AGBL1: variants seen among roughly 807,000 people sequenced by gnomAD.
AGBL1 encodes AGBL carboxypeptidase 1.
In AGBL1, 130 loss-of-function variants were observed where a neutral mutation model predicts 118.9. That is an observed-to-expected ratio of 1.09 (90% CI 0.95 to 1.26). The LOEUF (loss-of-function observed/expected upper bound fraction) is 1.26, where lower values mean the gene tolerates loss of function less well. Among genes scored for constraint, AGBL1 ranks in the 50% most tolerant of loss-of-function variants. AGBL1 has a pLI of 0.00. For missense variants in AGBL1, 1,584 were observed against 1,298.1 expected, an observed-to-expected ratio of 1.22 and a Z score of -3.38; for synonymous variants, 555 against 478.9, an observed-to-expected ratio of 1.16 and a Z score of -2.08.
chr15:86,554,269 T>A (rs767421362), intron 20 of AGBL1, 92 bp from the exon 21 acceptor site: 1 of 1,097,276 alleles, frequency 9.1e-7, no homozygotes, highest in Non-Finnish European at 1.3e-6. Flanking sequence ...ATTTTATATA[T>A]AGATGCTTAA....
intron 22 of AGBL1, among the ~76,000 whole-genome samples, chr15:86,757,744 G>T (rs1330709707): frequency 6.6e-6 from 1 of 151,962 alleles, no homozygotes; most frequent in Non-Finnish European, 1.5e-5. Context: ...TCCTCCCGCT[G>T]GTCCTCTTTG....
At chr15:86,193,928 TAGC>T (rs1567117081) in intron 5 of AGBL1, among the ~76,000 whole-genome samples, 1 of 152,206 alleles carries the variant, frequency 6.6e-6, no homozygotes, top group Non-Finnish European at 1.5e-5. Context: ...GAGAGAGGCA[TAGC>T]AGAGTATAAC....
rs148706566 is a variant in AGBL1, at chr15:86,750,032, G to C, written c.3158+75596G>C. On this transcript the variant is annotated intron_variant, in intron 22 of 22. Coordinates refer to ENST00000614907, the MANE Select transcript of AGBL1 (RefSeq NM_001386094.1). ...GGATGATGCTGGCCTCATAAAATGAGTTAGGGAGGATTCCCTCTTTTTCTA... is the reference window on the plus strand; with the variant it reads ...GGATGATGCTGGCCTCATAAAATGACTTAGGGAGGATTCCCTCTTTTTCTA... Among the ~76,000 whole-genome samples, 946 of 152,216 alleles carry C rather than the reference G, an allele frequency of 6.2e-3. 52 individuals carry two copies. In the East Asian group the frequency reaches 0.13, roughly 20 times the overall value.
At chr15:86,263,646 T>C (rs2079028387) in intron 10 of AGBL1, among the ~76,000 whole-genome samples, 1 of 152,242 alleles carries the variant, frequency 6.6e-6, no homozygotes, top group Non-Finnish European at 1.5e-5. Context: ...TCTTTTTTAA[T>C]AGAAACAAAT....
intron 18 of AGBL1, among the ~76,000 whole-genome samples, chr15:86,418,777 A>C (rs1378078431): frequency 6.6e-6 from 1 of 152,094 alleles, no homozygotes; most frequent in African/African-American, 2.4e-5. Context: ...AACTTGCAGC[A>C]CTTAGTCTTA....
At chr15:86,166,960 C>T (rs930820913) in intron 5 of AGBL1, among the ~76,000 whole-genome samples, 2 of 152,152 alleles carry the variant, frequency 1.3e-5, no homozygotes, top group African/African-American at 2.4e-5. Flanking sequence ...TCGTACCTCC[C>T]TATAGATTTC....
At chr15:86,827,898 T>G (rs1461890404) in intron 22 of AGBL1, among the ~76,000 whole-genome samples, 1 of 145,616 alleles carries the variant, frequency 6.9e-6, no homozygotes, top group Non-Finnish European at 1.5e-5. Context: ...TGTGTTATTT[T>G]TACATACAAT....
chr15:86,858,463 GGTGTGTGTGTGTGTGTGTGTGT>G (rs3059715), intron 22 of AGBL1, among the ~76,000 whole-genome samples: 1 of 147,088 alleles, frequency 6.8e-6, no homozygotes, highest in Admixed American at 6.8e-5. Context: ...CCTTTCAGGT[GGTGTGTGTGTGTGTGTGTGTGT>G]GTGTGTGTGT....
chr15:86,378,048 C>A (rs755715886), intron 17 of AGBL1, among the ~76,000 whole-genome samples: 1 of 152,118 alleles, frequency 6.6e-6, no homozygotes, highest in Non-Finnish European at 1.5e-5. Context: ...CAAACCTGGG[C>A]TTCATGCTTC....
At chr15:86,309,201 C>G (rs2079884493) in intron 17 of AGBL1, among the ~76,000 whole-genome samples, 1 of 151,580 alleles carries the variant, frequency 6.6e-6, no homozygotes, top group Non-Finnish European at 1.5e-5. Flanking sequence ...TTTAAATTTC[C>G]TTTCAAATAG....
downstream of AGBL1, among the ~76,000 whole-genome samples, chr15:87,029,706 ATGTT>A (rs1221326793): frequency 6.6e-6 from 1 of 151,948 alleles, no homozygotes; most frequent in Non-Finnish European, 1.5e-5. Context: ...ATGTTTTTCT[ATGTT>A]TGTATTTCTC....
chr15:86,092,706 G>A (rs1039679383), intron 1 of AGBL1, among the ~76,000 whole-genome samples: 1 of 151,998 alleles, frequency 6.6e-6, no homozygotes, highest in East Asian at 1.9e-4. Context: ...CAAGATCAAG[G>A]GGCTGGCATC....
chr15:86,321,614 CAA>C lies in AGBL1; in HGVS notation c.2374+26218_2374+26219del, dbSNP rs556094157. On this transcript the variant is annotated intron_variant, in intron 17 of 22. Transcript: ENST00000614907. Reference sequence around the variant, plus strand: ...CAAAAACCCGTCTATATTAAAAATACAAAAAAAAAAAAATTAGTTGAGCATGG... The same window carrying C: ...CAAAAACCCGTCTATATTAAAAATACAAAAAAAAAAATTAGTTGAGCATGG... Among the ~76,000 whole-genome samples the C allele has an allele frequency of 4.7e-3, 640 of 135,398 alleles. 6 individuals are homozygous for C. Among genetic ancestry groups the C allele is most frequent in the African/African-American group, 0.016 (598 of 36,670 alleles). 88.8% of individuals were successfully genotyped at this position (135,398 alleles called of 152,430 possible).
intron 18 of AGBL1, among the ~76,000 whole-genome samples, chr15:86,408,337 TCTC>T (rs1445560350): frequency 6.6e-6 from 1 of 152,124 alleles, no homozygotes; most frequent in African/African-American, 2.4e-5. Context: ...GCTCCAAACT[TCTC>T]CTTTCAGGCA....
intron 17 of AGBL1, among the ~76,000 whole-genome samples, chr15:86,391,938 A>T (rs2141981761): frequency 6.6e-6 from 1 of 152,236 alleles, no homozygotes; most frequent in Non-Finnish European, 1.5e-5. Context: ...TGGACAGACC[A>T]GATCAAATGT....
At chr15:86,652,060 T>A (rs376828396) in intron 21 of AGBL1, among the ~76,000 whole-genome samples, 1 of 152,300 alleles carries the variant, frequency 6.6e-6, no homozygotes, top group South Asian at 2.1e-4. Flanking sequence ...ATGAGTGATC[T>A]TCACTAACTT....
intron 22 of AGBL1, among the ~76,000 whole-genome samples, chr15:86,721,081 C>T (rs1244509908): frequency 6.6e-6 from 1 of 152,182 alleles, no homozygotes; most frequent in Non-Finnish European, 1.5e-5. Context: ...CAAGGAGGAG[C>T]TGGTACCATT....
At position 86,546,061 on chromosome 15, in the gene AGBL1, C is replaced by A. The variant is rs751359760; in HGVS notation, c.2745C>A (p.Ser915Arg). 15 of 1,613,270 alleles carry A rather than the reference C, an allele frequency of 9.3e-6. No individual in the cohort carries two copies. The South Asian group carries it at 1.4e-4, about 15-fold the overall frequency. The change falls in exon 20 of 23, where the codon AGC becomes AGA. Residue 915 changes from serine (S) to arginine (R), a missense_variant. By Grantham distance (110) the Ser-to-Arg change is moderately radical (BLOSUM62 -1). Coordinates refer to ENST00000614907, the MANE Select transcript of AGBL1 (RefSeq NM_001386094.1). The part of the protein sequence containing the change: ...QKKNVFLYGC[S>R]IKETLWQAAC... ...AGAATGTGTTCCTTTATGGCTGTAGCATCAAGGAAACCTTGTGGCAAGCAG... is the reference window on the plus strand; with the variant it reads ...AGAATGTGTTCCTTTATGGCTGTAGAATCAAGGAAACCTTGTGGCAAGCAG...
chr15:86,727,856 G>A (rs1375752524), intron 22 of AGBL1, among the ~76,000 whole-genome samples: 1 of 152,170 alleles, frequency 6.6e-6, no homozygotes, highest in Non-Finnish European at 1.5e-5. Flanking sequence ...AAGGTTCAGT[G>A]ACTGCTTATC....
Sources: gnomAD v4.1 joint callset for allele counts (sites outside exome capture counted in the v4.1 genomes callset) on GRCh38, gnomAD v4.1.1 for gene constraint, MANE v1.5 for transcripts, NCBI Gene and HGNC (gene_info 2026-07-23, HGNC 2026-07-21) for gene names.